ADAMTSL1: variants seen among roughly 807,000 people sequenced by gnomAD.
ADAMTSL1 encodes the protein ADAMTS like 1.
ADAMTSL1 carries 126 observed loss-of-function variants against 201.8 expected under a neutral mutation model. The ratio of observed to expected loss-of-function variants is 0.62; its 90% CI spans 0.54 to 0.72. ADAMTSL1 has a LOEUF of 0.72. ADAMTSL1 is among the 30% of genes least tolerant of loss of function. The pLI, the probability that ADAMTSL1 is intolerant of heterozygous loss-of-function variation, is 0.00. For synonymous variants in ADAMTSL1, 1,121 were observed against 903.4 expected (o/e 1.24, Z -4.32); for missense variants, 2,679 against 2,277.8 (o/e 1.18, Z -3.59).
At chr9:18,342,426 G>A (rs1226903632) in intron 2 of ADAMTSL1, among the ~76,000 whole-genome samples, 1 of 152,154 alleles carries the variant, frequency 6.6e-6, no homozygotes, top group African/African-American at 2.4e-5. Flanking sequence ...ATGGCAAAGA[G>A]AGTAGCATGG....
At chr9:17,907,677 G>T (rs10963327) in intron 1 of ADAMTSL1, among the ~76,000 whole-genome samples, 1 of 152,206 alleles carries the variant, frequency 6.6e-6, no homozygotes, top group Non-Finnish European at 1.5e-5. Flanking sequence ...GATTAATTCA[G>T]TTTGCCTGGT....
chr9:18,295,949 C>G lies in ADAMTSL1; in HGVS notation c.207+131968C>G, dbSNP rs140816614. Among the ~76,000 whole-genome samples the G allele has an allele frequency of 2.4e-4, 36 of 152,184 alleles. No homozygotes were observed. In the Middle Eastern group the frequency reaches 0.01, roughly 43 times the overall value. On this transcript the variant is annotated intron_variant, in intron 2 of 29. Transcript: ENST00000680146. ...AATTAAGTGATATTAAGTGATTAACCTTAGTATTACTAATATAACCTAGTA... is the reference window on the plus strand; with the variant it reads ...AATTAAGTGATATTAAGTGATTAACGTTAGTATTACTAATATAACCTAGTA...
At chr9:17,923,142 A>G (rs554063281) in intron 1 of ADAMTSL1, among the ~76,000 whole-genome samples, 3 of 152,072 alleles carry the variant, frequency 2.0e-5, no homozygotes, top group South Asian at 2.1e-4. Flanking sequence ...TTGGTTCCAT[A>G]TGAACTTTAA....
At chr9:18,203,438 G>T (rs903974532) in intron 2 of ADAMTSL1, among the ~76,000 whole-genome samples, 3 of 151,714 alleles carry the variant, frequency 2.0e-5, no homozygotes, top group Admixed American at 1.3e-4. Context: ...CAGGGTCTAT[G>T]TAATAGAGGA....
chr9:18,864,848 G>C (rs866233493), intron 23 of ADAMTSL1, among the ~76,000 whole-genome samples: 2 of 152,170 alleles, frequency 1.3e-5, no homozygotes, highest in Non-Finnish European at 2.9e-5. Context: ...CATTGATTCT[G>C]TCATAGTTGG....
intron 1 of ADAMTSL1, among the ~76,000 whole-genome samples, chr9:18,119,780 C>T (rs1351960601): frequency 2.0e-5 from 3 of 152,060 alleles, no homozygotes; most frequent in Non-Finnish European, 4.4e-5. Flanking sequence ...GAGTTGCTGG[C>T]TTCACTCTCA....
chr9:18,765,022 C>T (rs1479585670), intron 16 of ADAMTSL1, among the ~76,000 whole-genome samples: 2 of 152,154 alleles, frequency 1.3e-5, no homozygotes, highest in East Asian at 3.8e-4. Flanking sequence ...TGTTCATTAT[C>T]TACTTCCTCA....
intron 1 of ADAMTSL1, among the ~76,000 whole-genome samples, chr9:18,009,519 C>T (rs2131552553): frequency 6.6e-6 from 1 of 152,142 alleles, no homozygotes; most frequent in East Asian, 1.9e-4. Flanking sequence ...TTTGCTGTTT[C>T]AGTGACAAGA....
chr9:18,436,980 C>G (rs1009743752), intron 2 of ADAMTSL1, among the ~76,000 whole-genome samples: 1 of 152,066 alleles, frequency 6.6e-6, no homozygotes, highest in Non-Finnish European at 1.5e-5. Context: ...GCTAAAACAA[C>G]CCTTCAGAAC....
At chr9:18,197,794 C>A (rs555548340) in intron 2 of ADAMTSL1, among the ~76,000 whole-genome samples, 1 of 151,986 alleles carries the variant, frequency 6.6e-6, no homozygotes, top group African/African-American at 2.4e-5. Flanking sequence ...GAGCCCGCAT[C>A]GCCAAGTCAA....
intron 2 of ADAMTSL1, among the ~76,000 whole-genome samples, chr9:18,530,734 A>G (rs1018934588): frequency 6.6e-6 from 1 of 152,176 alleles, no homozygotes; most frequent in African/African-American, 2.4e-5. Context: ...CACAGTCTGA[A>G]GTGATTCACA....
At chr9:18,682,072 T>C (rs1404345937) in intron 12 of ADAMTSL1, 113 bp downstream of exon 12, 45 of 1,259,454 alleles carry the variant, frequency 3.6e-5, no homozygotes, top group Non-Finnish European at 4.5e-5. Flanking sequence ...TAAGAATTCT[T>C]TATAACTTAA....
At chr9:18,097,973 G>C (rs921475859) in intron 1 of ADAMTSL1, among the ~76,000 whole-genome samples, 1 of 151,526 alleles carries the variant, frequency 6.6e-6, no homozygotes, top group Non-Finnish European at 1.5e-5. Flanking sequence ...TTTAGGTTTA[G>C]GTTAGTGATC....
intron 2 of ADAMTSL1, among the ~76,000 whole-genome samples, chr9:18,455,280 T>C (rs1820557606): frequency 6.6e-6 from 1 of 152,228 alleles, no homozygotes; most frequent in Admixed American, 6.5e-5. Context: ...AGCGTATTCA[T>C]AGTCACGATT....
intron 13 of ADAMTSL1, among the ~76,000 whole-genome samples, chr9:18,692,726 TA>T (rs1831306476): frequency 6.6e-6 from 1 of 152,226 alleles, no homozygotes; most frequent in South Asian, 2.1e-4. Context: ...GAGTTTCCAA[TA>T]TTTTAAATCT....
chr9:18,780,619 G>A (rs1821340068), intron 19 of ADAMTSL1, among the ~76,000 whole-genome samples: 2 of 152,052 alleles, frequency 1.3e-5, no homozygotes, highest in East Asian at 1.9e-4. Context: ...AATGCTCCCA[G>A]AGGCTATCAT....
intron 2 of ADAMTSL1, among the ~76,000 whole-genome samples, chr9:18,182,373 T>C (rs1013651117): frequency 2.6e-5 from 4 of 152,108 alleles, no homozygotes; most frequent in African/African-American, 9.7e-5. Flanking sequence ...GAAGGATGAC[T>C]TCTATGAATT....
intron 2 of ADAMTSL1, among the ~76,000 whole-genome samples, chr9:18,369,508 G>A (rs1215638967): frequency 6.6e-6 from 1 of 152,186 alleles, no homozygotes; most frequent in African/African-American, 2.4e-5. Flanking sequence ...AGAAAAAAGA[G>A]AATGCTTATA....
chr9:18,716,377 A>C (rs1299127776), intron 14 of ADAMTSL1, among the ~76,000 whole-genome samples: 4 of 152,052 alleles, frequency 2.6e-5, no homozygotes, highest in African/African-American at 7.2e-5. Context: ...CAATGAACTC[A>C]AACAAATTTA....
Sources: gnomAD v4.1 joint callset for allele counts (sites outside exome capture counted in the v4.1 genomes callset) on GRCh38, gnomAD v4.1.1 for gene constraint, MANE v1.5 for transcripts, NCBI Gene and HGNC (gene_info 2026-07-23, HGNC 2026-07-21) for gene names.